Variants in KIF16B observed in about 807,000 individuals in gnomAD.
The protein encoded by KIF16B is kinesin family member 16B.
Under a neutral mutation model 156.3 loss-of-function variants are expected in KIF16B, and 98 were observed. The ratio of observed to expected loss-of-function variants is 0.63; its 90% confidence interval spans 0.53 to 0.74. KIF16B has a LOEUF of 0.74. KIF16B is among the 30% of genes least tolerant of loss of function. The pLI is 0.00. For missense variants in KIF16B, 1,421 were observed against 1,606.5 expected (o/e 0.88, Z 1.97); for synonymous variants, 564 against 583.7 (o/e 0.97, Z 0.49).
intron 23 of KIF16B, among the ~76,000 whole-genome samples, chr20:16,349,971 C>T (rs1307144847): frequency 3.3e-5 from 5 of 152,162 alleles, no homozygotes; most frequent in African/African-American, 7.2e-5. Flanking sequence ...AGCAGATGGT[C>T]GACAAGTTTT....
intron 12 of KIF16B, among the ~76,000 whole-genome samples, chr20:16,491,053 G>A (rs1469378799): frequency 6.6e-6 from 1 of 152,176 alleles, no homozygotes; most frequent in Non-Finnish European, 1.5e-5. Context: ...TACTGCAGAA[G>A]CACAAAGGAA....
chr20:16,510,891 C>T (rs2068936285), intron 6 of KIF16B, among the ~76,000 whole-genome samples: 1 of 152,096 alleles, frequency 6.6e-6, no homozygotes, highest in Admixed American at 6.6e-5. Flanking sequence ...GTTTTAAATC[C>T]AGCCGATTCT....
In KIF16B at chr20:16,313,765, A is replaced by G. The variant is rs118044209; in HGVS notation, c.3712-1347T>C. Reference sequence around the variant, plus strand: ...CAACCATGTTGTTATGCGTAGCAATAGTTTGCTCATTTTCACTGCAGTACA... The same window carrying G: ...CAACCATGTTGTTATGCGTAGCAATGGTTTGCTCATTTTCACTGCAGTACA... On this transcript the variant is annotated intron_variant, in intron 24 of 25. Coordinates refer to ENST00000354981, the MANE Select transcript of KIF16B (RefSeq NM_024704.5). Among the ~76,000 whole-genome samples, 73 of 152,336 alleles carry G rather than the reference A, an allele frequency of 4.8e-4. 1 individual carries two copies. The East Asian group carries it at 9.6e-3, about 20-fold the overall frequency.
At chr20:16,459,803 T>A (rs1256965051) in intron 12 of KIF16B, among the ~76,000 whole-genome samples, 3 of 152,172 alleles carry the variant, frequency 2.0e-5, no homozygotes, top group African/African-American at 7.2e-5. Context: ...CCAAAGAATC[T>A]CATATGAGTG....
rs1010555246 is a variant in KIF16B, at chr20:16,503,887, G to T, written c.1176+485C>A. Among the ~76,000 whole-genome samples the T allele has an allele frequency of 2.6e-5, 4 of 152,266 alleles. No homozygotes were observed. The South Asian group carries it at 8.3e-4, about 32-fold the overall frequency. The stretch of plus-strand genomic sequence containing the variant: ...GCGAGGGCCCAGGGACAGCATTTCA[G>T]CCAGATCACAGGTGTAATATACATG... On this transcript the variant is annotated intron_variant, in intron 10 of 25. Transcript: ENST00000354981.
chr20:16,558,047 G>C (rs1197195132), intron 1 of KIF16B, among the ~76,000 whole-genome samples: 1 of 152,150 alleles, frequency 6.6e-6, no homozygotes, highest in South Asian at 2.1e-4. Context: ...ACCAGCAATA[G>C]GGGGCACTAT....
At chr20:16,393,068 A>T (rs1397120595) in intron 17 of KIF16B, among the ~76,000 whole-genome samples, 1 of 152,208 alleles carries the variant, frequency 6.6e-6, no homozygotes, top group Non-Finnish European at 1.5e-5. Context: ...TTAAATGTTT[A>T]AAAAAAGTAG....
intron 15 of KIF16B, among the ~76,000 whole-genome samples, chr20:16,418,269 T>C (rs1285291214): frequency 6.6e-6 from 1 of 152,116 alleles, no homozygotes; most frequent in Non-Finnish European, 1.5e-5. Context: ...ATAATTAGCT[T>C]TGGCCACTTG....
intron 24 of KIF16B, among the ~76,000 whole-genome samples, chr20:16,315,261 T>G (rs913731690): frequency 2.0e-5 from 3 of 152,182 alleles, no homozygotes; most frequent in Non-Finnish European, 2.9e-5. Context: ...TGTGCAACAC[T>G]GTTGTTCAGA....
intron 4 of KIF16B, among the ~76,000 whole-genome samples, chr20:16,513,328 A>T (rs2069020725): frequency 6.6e-6 from 1 of 152,198 alleles, no homozygotes; most frequent in African/African-American, 2.4e-5. Flanking sequence ...ACGGTAGTTA[A>T]TAATTGCCTT....
intron 1 of KIF16B, among the ~76,000 whole-genome samples, chr20:16,537,331 T>G (rs188307551): frequency 3.2e-4 from 49 of 152,000 alleles, no homozygotes; most frequent in African/African-American, 1.2e-3. Context: ...AGCTCAGACT[T>G]CACATCCTCT....
chr20:16,470,989 T>C lies in KIF16B; in HGVS notation c.1302+23302A>G, dbSNP rs530975526. 1.1e-4 allele frequency among the ~76,000 whole-genome samples: 17 copies of C among 151,970 alleles called. No homozygotes were observed. The South Asian group carries it at 1.2e-3, about 11-fold the overall frequency. On this transcript the variant is annotated intron_variant, in intron 12 of 25. Coordinates refer to ENST00000354981, the MANE Select transcript of KIF16B (RefSeq NM_024704.5). ...AGATCCACCAGTGAGACAGAAAACA[T>C]AGGAGACAGGAAAAGAAGAATCAAA...
intron 25 of KIF16B, among the ~76,000 whole-genome samples, chr20:16,283,422 T>C (rs998680105): frequency 3.9e-5 from 6 of 151,920 alleles, no homozygotes; most frequent in Non-Finnish European, 8.8e-5. Context: ...ACTGAGACTC[T>C]ACTGCTTGGT....
intron 17 of KIF16B, among the ~76,000 whole-genome samples, chr20:16,403,530 T>C (rs1353059078): frequency 6.6e-6 from 1 of 152,058 alleles, no homozygotes; most frequent in Non-Finnish European, 1.5e-5. Context: ...AAAGACCAAA[T>C]AGGAAAGACA....
chr20:16,437,868 C>CA (rs2066684449), intron 12 of KIF16B, among the ~76,000 whole-genome samples: 1 of 151,744 alleles, frequency 6.6e-6, no homozygotes, highest in African/African-American at 2.4e-5. Context: ...CGTGGTGGCT[C>CA]ATGCCTGTAA....
chr20:16,552,204 C>T (rs750343818), intron 1 of KIF16B, among the ~76,000 whole-genome samples: 38 of 152,166 alleles, frequency 2.5e-4, no homozygotes, highest in Non-Finnish European at 5.4e-4. Flanking sequence ...GCTTGACAAA[C>T]CCAGCTCAGC....
At chr20:16,409,345 T>A (rs1341896752) in intron 15 of KIF16B, among the ~76,000 whole-genome samples, 1 of 150,282 alleles carries the variant, frequency 6.7e-6, no homozygotes, top group Non-Finnish European at 1.5e-5. Flanking sequence ...GGAACAAGAG[T>A]GAGCACTGCA....
chr20:16,485,424 A>C (rs1375148336), intron 12 of KIF16B, among the ~76,000 whole-genome samples: 1 of 152,268 alleles, frequency 6.6e-6, no homozygotes, highest in Non-Finnish European at 1.5e-5. Flanking sequence ...TTCATGGAAC[A>C]CTTCCTATTT....
chr20:16,428,457 C>T (rs1044432515), intron 14 of KIF16B, among the ~76,000 whole-genome samples: 1 of 152,134 alleles, frequency 6.6e-6, no homozygotes, highest in Non-Finnish European at 1.5e-5. Context: ...TGATTATTTG[C>T]GTGTCTTGTG....
Sources: allele counts gnomAD v4.1 joint callset (sites outside exome capture counted in the v4.1 genomes callset), GRCh38; gene constraint gnomAD v4.1.1; transcripts MANE v1.5; gene names NCBI Gene and HGNC (gene_info 2026-07-23, HGNC 2026-07-21).